The following OLFM2 variants were observed in gnomAD, a reference collection of about 807,000 sequenced individuals.
The protein encoded by OLFM2 is olfactomedin 2.
In OLFM2, 20 loss-of-function variants were observed where a neutral mutation model predicts 43.9. The observed-to-expected ratio is 0.46, with a 90% CI of 0.32 to 0.66. OLFM2 has a LOEUF of 0.66. Ranked by LOEUF, OLFM2 falls within the 30% of genes least tolerant of loss-of-function variation. OLFM2 has a pLI of 0.04. For missense variants in OLFM2, 416 were observed against 643.6 expected (o/e 0.65, Z 3.83); for synonymous variants, 268 against 278.6 (o/e 0.96, Z 0.38).
chr19:9,878,384 T>C (rs1052380706), intron 1 of OLFM2, among the ~76,000 whole-genome samples: 261 of 16,482 alleles, frequency 0.016, no homozygotes, highest in Non-Finnish European at 0.062. Context: ...TTTCTCTCTT[T>C]TTTTTTTTTT....
intron 1 of OLFM2, among the ~76,000 whole-genome samples, chr19:9,864,574 T>G (rs946544132): frequency 6.6e-6 from 1 of 152,134 alleles, no homozygotes; most frequent in Non-Finnish European, 1.5e-5. Context: ...GTGCTGGGAT[T>G]GCAGGCGAGA....
At chr19:9,882,790 G>T (rs1172968680) in intron 1 of OLFM2, among the ~76,000 whole-genome samples, 1 of 151,722 alleles carries the variant, frequency 6.6e-6, no homozygotes, top group African/African-American at 2.4e-5. Context: ...CATGCCTATA[G>T]CCTCAGCACC....
chr19:9,902,608 G>C (rs1238421839), intron 1 of OLFM2, among the ~76,000 whole-genome samples: 4 of 151,948 alleles, frequency 2.6e-5, no homozygotes. Flanking sequence ...GGCTGGTCTT[G>C]AACTCCACTC....
At chr19:9,913,826 A>C (rs1219417876) in intron 1 of OLFM2, 1 of 321,280 alleles carries the variant, frequency 3.1e-6, no homozygotes, top group Non-Finnish European at 4.5e-6. Flanking sequence ...GGCTCCTCTT[A>C]TAAAGCGCCG....
chr19:9,858,735 G>A (rs938030382), intron 2 of OLFM2, among the ~76,000 whole-genome samples: 7 of 152,170 alleles, frequency 4.6e-5, no homozygotes, highest in African/African-American at 1.7e-4. Context: ...AACTCCCCCT[G>A]GCTAAGGTAG....
At chr19:9,902,026 C>CTATATATATATATA (rs146963521) in intron 1 of OLFM2, among the ~76,000 whole-genome samples, 17 of 150,068 alleles carry the variant, frequency 1.1e-4, no homozygotes, top group African/African-American at 4.2e-4. Flanking sequence ...TATATACTGA[C>CTATATATATATATA]TATATATATA....
chr19:9,887,895 T>C (rs1013833099), intron 1 of OLFM2, among the ~76,000 whole-genome samples: 3 of 152,012 alleles, frequency 2.0e-5, no homozygotes, highest in Admixed American at 6.6e-5. Context: ...AAGCCGGAAG[T>C]GGTGGCATGT....
intron 1 of OLFM2, among the ~76,000 whole-genome samples, chr19:9,899,863 C>T (rs1355552410): frequency 6.6e-6 from 1 of 152,042 alleles, no homozygotes; most frequent in Non-Finnish European, 1.5e-5. Flanking sequence ...GCCCCACCCC[C>T]GCCGGATACT....
At chr19:9,905,624 CAAAA>C (rs55683294) in intron 1 of OLFM2, among the ~76,000 whole-genome samples, 2 of 75,744 alleles carry the variant, frequency 2.6e-5, no homozygotes, top group Admixed American at 1.6e-4. Flanking sequence ...GACTCCATCT[CAAAA>C]AAAAAAAAAA....
chr19:9,913,532 A>T, intron 1 of OLFM2: 1 of 1,209,372 alleles, frequency 8.3e-7, no homozygotes, highest in Non-Finnish European at 1.0e-6. Flanking sequence ...GAGCCCCACG[A>T]GCGAGGGCAG....
chr19:9,925,269 CA>C (rs1431470467), intron 1 of OLFM2, among the ~76,000 whole-genome samples: 2 of 151,752 alleles, frequency 1.3e-5, no homozygotes, highest in African/African-American at 4.8e-5. Flanking sequence ...CAAAACAAAA[CA>C]AAAAAAGTTA....
chr19:9,854,917 TC>T lies in OLFM2; in HGVS notation c.688-55del. On this transcript the variant is annotated intron_variant, in intron 5 of 5. Transcript: ENST00000264833. This position sits in a 1 kb window ranked among gnomAD's most constrained non-coding sequence, Gnocchi z 9.5. ...GGAACCACCACCAACGACCCAAGGG[TC>T]CCAGCACCAGCTACAGCCATTAGAG... 7.3e-7 allele frequency: 1 copy of T among 1,378,146 alleles called. No individual in the cohort carries two copies. Among genetic ancestry groups the T allele is most frequent in the Non-Finnish European group, 9.8e-7 (1 of 1,018,764 alleles). 85.4% of individuals were successfully genotyped at this position (1,378,146 alleles called of 1,614,324 possible). A position where few individuals can be genotyped will look rare whatever the true frequency, so the allele number is the denominator to read the frequency against.
chr19:9,857,072 G>T lies in OLFM2; in HGVS notation c.581-159C>A. The T allele has an allele frequency of 1.2e-6, 1 of 807,680 alleles. No homozygotes were observed. Among genetic ancestry groups the T allele is most frequent in the Non-Finnish European group, 2.0e-6 (1 of 490,492 alleles). 50.0% of individuals were successfully genotyped at this position (807,680 alleles called of 1,614,324 possible). A position where few individuals can be genotyped will look rare whatever the true frequency, so the allele number is the denominator to read the frequency against. On this transcript the variant is annotated intron_variant, in intron 4 of 5. Coordinates refer to ENST00000264833, the MANE Select transcript of OLFM2 (RefSeq NM_058164.4). This position sits in a 1 kb window ranked among gnomAD's most constrained non-coding sequence, Gnocchi z 5.7. The stretch of plus-strand genomic sequence containing the variant: ...AATATGTTGTTCAGTTGTGAGTGAG[G>T]GGTTAGAGGCCAAGGGTCAGGGCCA...
chr19:9,930,906 G>A (rs1264941184), intron 1 of OLFM2, among the ~76,000 whole-genome samples: 5 of 151,954 alleles, frequency 3.3e-5, no homozygotes, highest in Non-Finnish European at 1.5e-5. Context: ...CACCCGCGGC[G>A]AGTATCTCAC....
At chr19:9,869,300 C>T (rs752558996) in intron 1 of OLFM2, among the ~76,000 whole-genome samples, 1 of 152,174 alleles carries the variant, frequency 6.6e-6, no homozygotes, top group Non-Finnish European at 1.5e-5. Context: ...AATATCCTTA[C>T]GATAGAAGTG....
chr19:9,918,193 A>G (rs184718737), intron 1 of OLFM2, among the ~76,000 whole-genome samples: 1 of 145,440 alleles, frequency 6.9e-6, no homozygotes, highest in East Asian at 2.1e-4. Flanking sequence ...TAGTTCTTTT[A>G]TCTTTTTTTT....
At chr19:9,890,121 T>C (rs2046625365) in intron 1 of OLFM2, among the ~76,000 whole-genome samples, 1 of 152,086 alleles carries the variant, frequency 6.6e-6, no homozygotes, top group Non-Finnish European at 1.5e-5. Context: ...TGGGCTCCCC[T>C]CTTCCAAGCT....
chr19:9,909,522 C>T (rs1288199460), intron 1 of OLFM2, among the ~76,000 whole-genome samples: 1 of 152,178 alleles, frequency 6.6e-6, no homozygotes, highest in Non-Finnish European at 1.5e-5. Flanking sequence ...GCTGCTTCTG[C>T]AATTCAGGAG....
At chr19:9,925,371 T>C (rs1287071387) in intron 1 of OLFM2, among the ~76,000 whole-genome samples, 1 of 152,158 alleles carries the variant, frequency 6.6e-6, no homozygotes, top group Non-Finnish European at 1.5e-5. Context: ...AGGAACCCTT[T>C]GTGGGAATGT....
Sources: gnomAD v4.1 joint callset for allele counts (sites outside exome capture counted in the v4.1 genomes callset) on GRCh38, gnomAD v4.1.1 for gene constraint, Gnocchi (gnomAD v3.1) non-coding constraint, MANE v1.5 for transcripts, NCBI Gene and HGNC (gene_info 2026-07-23, HGNC 2026-07-21) for gene names.